SAMD3: variants seen among roughly 807,000 people sequenced by gnomAD.
The protein encoded by SAMD3 is sterile alpha motif domain-containing protein 3.
A neutral mutation model predicts 58.5 loss-of-function variants in SAMD3; 63 were observed. The observed-to-expected ratio is 1.08, with a 90% confidence interval of 0.88 to 1.33. The LOEUF is 1.33. Ranked by LOEUF, SAMD3 falls within the 40% of genes most tolerant of loss-of-function variation. SAMD3 has a pLI of 0.00. For synonymous variants in SAMD3, 220 were observed against 210.3 expected (o/e 1.05, Z -0.40); for missense variants, 604 against 608.4 (o/e 0.99, Z 0.08).
intron 2 of SAMD3, among the ~76,000 whole-genome samples, chr6:130,280,340 C>A (rs1187857616): frequency 6.6e-6 from 1 of 152,138 alleles, no homozygotes; most frequent in Non-Finnish European, 1.5e-5. Flanking sequence ...TAATGACATA[C>A]CTCTTACCCT....
intron 7 of SAMD3, chr6:130,182,998 G>A (rs1448196437): frequency 2.6e-5 from 5 of 191,162 alleles, no homozygotes; most frequent in Non-Finnish European, 5.5e-5. Flanking sequence ...TAAACACTCA[G>A]TTTTTTATTA....
chr6:130,231,845 C>A (rs1384451428), intron 2 of SAMD3, among the ~76,000 whole-genome samples: 1 of 152,004 alleles, frequency 6.6e-6, no homozygotes. Flanking sequence ...CTTGAAGGAA[C>A]ATTCCAAAAA....
chr6:130,143,533 C>G (rs946427357), downstream of SAMD3, among the ~76,000 whole-genome samples: 2 of 152,106 alleles, frequency 1.3e-5, no homozygotes, highest in Admixed American at 6.5e-5. Context: ...TGTGAGCCAC[C>G]GTGCCCGGCC....
chr6:130,200,884 C>T (rs4895866), intron 5 of SAMD3, among the ~76,000 whole-genome samples: 116,270 of 151,908 alleles, frequency 0.77, 44,925 homozygotes, highest in African/African-American at 0.85. Context: ...CCCTGTTTTT[C>T]TTTCATCCCG....
At chr6:130,346,219 T>C (rs1253718391) in intron 1 of SAMD3, among the ~76,000 whole-genome samples, 1 of 152,078 alleles carries the variant, frequency 6.6e-6, no homozygotes, top group Admixed American at 6.5e-5. Flanking sequence ...TGTCAGACAG[T>C]GGGTGCAGGA....
At chr6:130,296,749 G>T (rs1230366832) in intron 2 of SAMD3, among the ~76,000 whole-genome samples, 2 of 152,110 alleles carry the variant, frequency 1.3e-5, no homozygotes, top group Non-Finnish European at 2.9e-5. Context: ...AGGGAAGAGG[G>T]TCTGCCCTGA....
upstream of SAMD3, among the ~76,000 whole-genome samples, chr6:130,225,524 T>A (rs1232423500): frequency 6.6e-6 from 1 of 152,214 alleles, no homozygotes; most frequent in African/African-American, 2.4e-5. Context: ...TTCAGTAAGA[T>A]AGGCATATTA....
At chr6:130,254,173 T>C (rs997565617) in intron 2 of SAMD3, among the ~76,000 whole-genome samples, 3 of 53,816 alleles carry the variant, frequency 5.6e-5, no homozygotes, top group Admixed American at 2.2e-4. Context: ...TTTGTATTTT[T>C]ATTTATTTAT....
intron 1 of SAMD3, among the ~76,000 whole-genome samples, chr6:130,348,041 AC>A (rs1777510880): frequency 1.3e-5 from 2 of 152,204 alleles, no homozygotes; most frequent in South Asian, 4.1e-4. Flanking sequence ...AGATTTTGTC[AC>A]CACCAGGCCT....
chr6:130,212,021 AAGGCT>A (rs1431472692), intron 4 of SAMD3, among the ~76,000 whole-genome samples: 2 of 151,600 alleles, frequency 1.3e-5, no homozygotes, highest in Non-Finnish European at 2.9e-5. Flanking sequence ...ACAAATCTCC[AAGGCT>A]AGTTGAGGGG....
At chr6:130,356,760 A>G (rs1399592300) in intron 1 of SAMD3, among the ~76,000 whole-genome samples, 8 of 152,212 alleles carry the variant, frequency 5.3e-5, no homozygotes, top group African/African-American at 1.7e-4. Context: ...TCAATCCTCA[A>G]TCTTTTGTTC....
intron 2 of SAMD3, among the ~76,000 whole-genome samples, chr6:130,301,213 C>T (rs11961838): frequency 0.17 from 25,657 of 152,104 alleles, 2,423 homozygotes; most frequent in East Asian, 0.36. Context: ...TTAATCCAGT[C>T]TATCATTAAT....
chr6:130,224,631 A>T (rs922553077), upstream of SAMD3, among the ~76,000 whole-genome samples: 6,552 of 141,372 alleles, frequency 0.046, 480 homozygotes, highest in African/African-American at 0.16. Flanking sequence ...TATTATTATT[A>T]TTTTTGAGAT....
intron 2 of SAMD3, among the ~76,000 whole-genome samples, chr6:130,237,313 G>GC (rs1196989930): frequency 6.6e-6 from 1 of 151,978 alleles, no homozygotes; most frequent in Non-Finnish European, 1.5e-5. Context: ...ATGCATTACA[G>GC]CCCCCCTCCA....
intron 7 of SAMD3, chr6:130,183,585 TA>T (rs1792621045): frequency 3.4e-5 from 12 of 356,256 alleles, no homozygotes; most frequent in South Asian, 2.4e-4. Flanking sequence ...TCCTAACCCT[TA>T]AAACCCTTAA....
At chr6:130,347,125 G>C (rs986394323) in intron 1 of SAMD3, among the ~76,000 whole-genome samples, 5 of 152,122 alleles carry the variant, frequency 3.3e-5, no homozygotes, top group African/African-American at 1.2e-4. Flanking sequence ...CCACAAAGAT[G>C]GGGAAAAAAC....
upstream of SAMD3, among the ~76,000 whole-genome samples, chr6:130,223,164 G>GA (rs200459878): frequency 0.011 from 1,606 of 151,946 alleles, 16 homozygotes; most frequent in Middle Eastern, 0.034. Context: ...ACACTAACTA[G>GA]AAAAAAAATT....
At chr6:130,330,413 A>G (rs1469291209) in intron 1 of SAMD3, among the ~76,000 whole-genome samples, 1 of 152,204 alleles carries the variant, frequency 6.6e-6, no homozygotes, top group Non-Finnish European at 1.5e-5. Flanking sequence ...TACATAAATA[A>G]TCTAAAGTTA....
chr6:130,279,786 A>G (rs1774919656), intron 2 of SAMD3, among the ~76,000 whole-genome samples: 1 of 152,108 alleles, frequency 6.6e-6, no homozygotes, highest in Admixed American at 6.6e-5. Context: ...TGCCTGGCCT[A>G]AACCTCTTTT....
Sources: allele counts gnomAD v4.1 joint callset (sites outside exome capture counted in the v4.1 genomes callset), GRCh38; gene constraint gnomAD v4.1.1; transcripts MANE v1.5; gene names NCBI Gene and HGNC (gene_info 2026-07-23, HGNC 2026-07-21).